NRXN3: variants seen among roughly 807,000 people sequenced by gnomAD.
NRXN3 encodes the protein neurexin III.
NRXN3 carries 32 observed loss-of-function variants against 137.6 expected under a neutral mutation model. The ratio of observed to expected loss-of-function variants is 0.23; its 90% confidence interval spans 0.18 to 0.31. The LOEUF (loss-of-function observed/expected upper bound fraction) is 0.31, where lower values mean the gene tolerates loss of function less well. Ranked by LOEUF, NRXN3 falls within the 10% of genes least tolerant of loss-of-function variation. The pLI, the probability that NRXN3 is intolerant of heterozygous loss-of-function variation, is 1.00. For missense variants in NRXN3, 1,574 were observed against 2,062.5 expected (o/e 0.76, Z 4.59); for synonymous variants, 798 against 784.5 (o/e 1.02, Z -0.29).
intron 15 of NRXN3, among the ~76,000 whole-genome samples, chr14:79,317,675 T>C (rs901647606): frequency 3.9e-5 from 6 of 152,134 alleles, no homozygotes; most frequent in Non-Finnish European, 8.8e-5. Flanking sequence ...TGATGACAAG[T>C]CATAATGTAG....
intron 6 of NRXN3, among the ~76,000 whole-genome samples, chr14:78,705,288 A>C (rs2098334748): frequency 6.6e-6 from 1 of 152,206 alleles, no homozygotes; most frequent in South Asian, 2.1e-4. Flanking sequence ...TACAGAGAAC[A>C]TTGTACCAGA....
rs1178682966 is a variant in NRXN3, at chr14:78,734,192, G to A, written c.2044+19053G>A. Among the ~76,000 whole-genome samples, 10 of 136,504 alleles carry A rather than the reference G, an allele frequency of 7.3e-5. No individual in the cohort carries two copies. In the East Asian group the frequency reaches 9.0e-4, roughly 12 times the overall value. 89.6% of individuals were successfully genotyped at this position (136,504 alleles called of 152,430 possible). A position where few individuals can be genotyped will look rare whatever the true frequency, so the allele number is the denominator to read the frequency against. ...GTAGGTTTAAAAGAGCCAAACACAC[G>A]TATCTGCATCTGAAACACACACACA... On this transcript the variant is annotated intron_variant, in intron 8 of 20. Transcript: ENST00000335750.
intron 4 of NRXN3, among the ~76,000 whole-genome samples, chr14:78,581,399 C>A (rs981714373): frequency 6.6e-6 from 1 of 152,198 alleles, no homozygotes; most frequent in African/African-American, 2.4e-5. Context: ...CTTGTTGCTA[C>A]TTCCTCCTAA....
At chr14:79,822,480 A>G (rs1253027576) in intron 20 of NRXN3, among the ~76,000 whole-genome samples, 1 of 152,190 alleles carries the variant, frequency 6.6e-6, no homozygotes, top group Non-Finnish European at 1.5e-5. Context: ...AAGGTTGGCA[A>G]TGGTATGTCA....
chr14:78,598,201 G>A (rs2097173494), intron 4 of NRXN3, among the ~76,000 whole-genome samples: 1 of 152,182 alleles, frequency 6.6e-6, no homozygotes, highest in Non-Finnish European at 1.5e-5. Context: ...AGCCAGAGGC[G>A]TGGATGTGAC....
chr14:79,540,904 T>C (rs2097265790), intron 16 of NRXN3, among the ~76,000 whole-genome samples: 1 of 150,820 alleles, frequency 6.6e-6, no homozygotes, highest in Non-Finnish European at 1.5e-5. Flanking sequence ...CAAACAAAGA[T>C]TTTTTTTTTC....
At chr14:79,021,803 A>G (rs2099590153) in intron 15 of NRXN3, among the ~76,000 whole-genome samples, 1 of 152,220 alleles carries the variant, frequency 6.6e-6, no homozygotes, top group African/African-American at 2.4e-5. Context: ...ATGATTATGC[A>G]TTTGTTCAAA....
chr14:79,737,532 T>C (rs945070675), intron 19 of NRXN3, among the ~76,000 whole-genome samples: 1 of 152,236 alleles, frequency 6.6e-6, no homozygotes, highest in Non-Finnish European at 1.5e-5. Context: ...AGATACTATG[T>C]CTCAGCACGG....
chr14:78,967,726 T>G (rs1411350157), intron 13 of NRXN3, among the ~76,000 whole-genome samples: 1 of 152,150 alleles, frequency 6.6e-6, no homozygotes, highest in Non-Finnish European at 1.5e-5. Flanking sequence ...TCATTTAATG[T>G]CTGGTGTCAT....
chr14:78,458,469 A>G (rs2094819231), intron 4 of NRXN3, among the ~76,000 whole-genome samples: 1 of 152,164 alleles, frequency 6.6e-6, no homozygotes, highest in African/African-American at 2.4e-5. Context: ...AGTCTGTACT[A>G]TACTGATTAT....
At chr14:79,182,867 T>G (rs908591005) in intron 15 of NRXN3, among the ~76,000 whole-genome samples, 11 of 152,160 alleles carry the variant, frequency 7.2e-5, no homozygotes, top group Non-Finnish European at 1.2e-4. Context: ...ATAAAATTCT[T>G]TAGTGTTGTT....
At chr14:78,891,455 T>C (rs1038998251) in intron 10 of NRXN3, among the ~76,000 whole-genome samples, 18 of 151,886 alleles carry the variant, frequency 1.2e-4, no homozygotes, top group African/African-American at 4.1e-4. Context: ...AGTATTTAGG[T>C]GTGAGTAACG....
chr14:79,086,802 C>A (rs572204918), intron 15 of NRXN3, among the ~76,000 whole-genome samples: 13 of 152,298 alleles, frequency 8.5e-5, no homozygotes, highest in African/African-American at 2.9e-4. Flanking sequence ...TATACTTGAT[C>A]TGTAACTACA....
Position 79,805,162 on chromosome 14 carries a change from A to T in NRXN3, c.4065A>T (p.Glu1355Asp), listed in dbSNP as rs2099199153. 1 of 1,613,780 alleles carries T rather than the reference A, an allele frequency of 6.2e-7. No individual in the cohort carries two copies. The highest frequency in any genetic ancestry group is 8.5e-7 in the Non-Finnish European group (1 of 1,179,786). ...CTGCTGAATGTTCAAGTGATGATGA[A>T]GACTTTGTTGAATGTGAGCCGAGTA... Reference protein sequence around the residue: ...VSSAECSSDDEDFVECEPSTD... With the variant: ...VSSAECSSDDDDFVECEPSTD... The change falls in exon 20 of 21, where the codon GAA becomes GAT. Residue 1355 changes from glutamate (E) to aspartate (D), a missense_variant. Transcript: ENST00000335750.
At chr14:78,638,918 G>A (rs2097589932) in intron 4 of NRXN3, among the ~76,000 whole-genome samples, 1 of 152,196 alleles carries the variant, frequency 6.6e-6, no homozygotes, top group African/African-American at 2.4e-5. Flanking sequence ...TTCTGCAGTT[G>A]TGTACTCTTT....
chr14:78,783,470 G>C (rs2098777253), intron 8 of NRXN3, among the ~76,000 whole-genome samples: 1 of 152,058 alleles, frequency 6.6e-6, no homozygotes, highest in Admixed American at 6.6e-5. Flanking sequence ...CAGAAAGGAA[G>C]AGAAAAACAT....
chr14:79,622,062 GA>G (rs1296248075), intron 16 of NRXN3, among the ~76,000 whole-genome samples: 1 of 152,168 alleles, frequency 6.6e-6, no homozygotes, highest in East Asian at 1.9e-4. Context: ...AATTAGGGCT[GA>G]GGAACATCAT....
intron 10 of NRXN3, among the ~76,000 whole-genome samples, chr14:78,846,885 C>T (rs1204341361): frequency 6.6e-6 from 1 of 152,108 alleles, no homozygotes; most frequent in South Asian, 2.1e-4. Context: ...CAGTGAAACA[C>T]TGTGCCTAGT....
At chr14:78,783,830 G>A (rs2098778959) in intron 8 of NRXN3, among the ~76,000 whole-genome samples, 1 of 152,026 alleles carries the variant, frequency 6.6e-6, no homozygotes, top group Non-Finnish European at 1.5e-5. Flanking sequence ...CAGATAGAAG[G>A]CCATGGAAAA....
Sources: allele counts gnomAD v4.1 joint callset (sites outside exome capture counted in the v4.1 genomes callset), GRCh38; gene constraint gnomAD v4.1.1; transcripts MANE v1.5; gene names NCBI Gene and HGNC (gene_info 2026-07-23, HGNC 2026-07-21).